The following ABCC1 variants were observed in gnomAD, a reference collection of about 807,000 sequenced individuals.
ABCC1 encodes ATP binding cassette subfamily C member 1 (ABCC1 blood group).
A neutral mutation model predicts 172.9 loss-of-function variants in ABCC1; 83 were observed. The ratio of observed to expected loss-of-function variants is 0.48; its 90% CI spans 0.40 to 0.58. ABCC1 has a LOEUF of 0.58. ABCC1 is among the 20% of genes least tolerant of loss of function. The pLI is 0.00. For missense variants in ABCC1, 1,817 were observed against 2,002.7 expected, an observed-to-expected ratio of 0.91 and a Z score of 1.77; for synonymous variants, 937 against 825.2, an observed-to-expected ratio of 1.14 and a Z score of -2.32.
At chr16:16,122,576 C>G (rs2045215934) in intron 24 of ABCC1, among the ~76,000 whole-genome samples, 1 of 152,022 alleles carries the variant, frequency 6.6e-6, no homozygotes, top group Non-Finnish European at 1.5e-5. Flanking sequence ...CTAAGCTAAA[C>G]CATATGAGAT....
chr16:15,981,790 T>G lies in ABCC1; in HGVS notation c.49-26026T>G, dbSNP rs2046625872. Among the ~76,000 whole-genome samples, 3 of 152,334 alleles carry G rather than the reference T, an allele frequency of 2.0e-5. 1 individual carries two copies. Among genetic ancestry groups the G allele is most frequent in the South Asian group, 4.1e-4 (2 of 4,832 alleles). On this transcript the variant is annotated intron_variant, in intron 1 of 30. Coordinates refer to ENST00000399410, the MANE Select transcript of ABCC1 (RefSeq NM_004996.4). ...AATTTCTGCAGCAGGCTTGAATTTT[T>G]CCCCAGAAAATGGGTTTTTCTTTTC...
intron 1 of ABCC1, among the ~76,000 whole-genome samples, chr16:15,980,204 T>C (rs954749171): frequency 2.0e-5 from 3 of 152,138 alleles, no homozygotes; most frequent in Non-Finnish European, 2.9e-5. Flanking sequence ...GTCTTTCTTA[T>C]AATATGTATT....
rs1207816737 is a variant in ABCC1, at chr16:16,076,367, A to G, written c.1954A>G (p.Thr652Ala). 44 of 1,611,862 alleles carry G rather than the reference A, an allele frequency of 2.7e-5. No individual in the cohort carries two copies. Among genetic ancestry groups the G allele is most frequent in the Non-Finnish European group, 3.7e-5 (44 of 1,179,128 alleles). Residue 652 changes from threonine (T) to alanine (A), a missense_variant, in exon 15 of 31, where the codon ACC becomes GCC. Physicochemically the swap from Thr to Ala is moderately conservative, Grantham distance 58. Around this residue, in one of 3 missense-constraint regions of ABCC1, gnomAD observed 1,412 missense variants for 1,600.3 expected, o/e 0.88. Transcript: ENST00000399410. ...CATCACCGTGAGGAATGCCACATTC[A>G]CCTGGGCCAGGAGCGACCCTCCCAC... The part of the protein sequence containing the change: ...NSITVRNATF[T>A]WARSDPPTLN...
Position 16,009,960 on chromosome 16 carries a change from G to A in ABCC1, c.351+59G>A, listed in dbSNP as rs528095752. 3,075 of 1,219,402 alleles carry A rather than the reference G, an allele frequency of 2.5e-3. 3 individuals carry two copies. Among genetic ancestry groups the A allele is most frequent in the Non-Finnish European group, 3.1e-3 (2,888 of 946,774 alleles). The allele number at this position is 1,219,402 out of a possible 1,614,324, so 75.5% of individuals were successfully genotyped here. A position where few individuals can be genotyped will look rare whatever the true frequency, so the allele number is the denominator to read the frequency against. The stretch of plus-strand genomic sequence containing the variant: ...CTGCTGGGCTCAGTGGAGACCAAAA[G>A]TAATAACTCGTAAGACTAGAATCAT... On this transcript the variant is annotated intron_variant, in intron 3 of 30. Transcript: ENST00000399410.
At chr16:16,016,149 GTTT>G (rs71137903) in intron 4 of ABCC1, among the ~76,000 whole-genome samples, 1 of 84,278 alleles carries the variant, frequency 1.2e-5, no homozygotes, top group African/African-American at 4.9e-5. Context: ...TGTGATCTTG[GTTT>G]TTTTTTTTTT....
At chr16:16,065,524 C>T (rs2151943035) in intron 12 of ABCC1, among the ~76,000 whole-genome samples, 1 of 152,256 alleles carries the variant, frequency 6.6e-6, no homozygotes, top group South Asian at 2.1e-4. Context: ...CCTCCACCTC[C>T]CGGGTTAAAG....
intron 1 of ABCC1, among the ~76,000 whole-genome samples, chr16:15,969,367 C>CT (rs57250944): frequency 0.013 from 1,748 of 131,560 alleles, 21 homozygotes; most frequent in Non-Finnish European, 0.018. Context: ...GCTGGTCAGT[C>CT]TTTTTTTTTT....
At chr16:16,012,367 G>A (rs909821720) in intron 3 of ABCC1, among the ~76,000 whole-genome samples, 4 of 152,140 alleles carry the variant, frequency 2.6e-5, no homozygotes, top group Non-Finnish European at 5.9e-5. Context: ...CTGGCCCTGT[G>A]CCTGGCATGC....
intron 24 of ABCC1, 82 bp downstream of exon 24, chr16:16,122,256 C>G (rs2045202369): frequency 1.3e-6 from 2 of 1,499,734 alleles, no homozygotes; most frequent in African/African-American, 2.8e-5. Flanking sequence ...TTCCTCGCAC[C>G]TTGAGCTGGG....
rs748013452 is a variant in ABCC1, at chr16:16,131,740, A to G, written c.3820-49A>G. On this transcript the variant is annotated intron_variant, in intron 26 of 30. Coordinates refer to ENST00000399410, the MANE Select transcript of ABCC1 (RefSeq NM_004996.4). ...GGGAGGTCAGGGGAGTCACAGCTTT[A>G]CCAGATGGACTGGAAATTCCTTACT... The G allele has an allele frequency of 5.0e-6, 8 of 1,596,836 alleles. No homozygotes were observed. The South Asian group carries it at 5.6e-5, about 11-fold the overall frequency.
chr16:16,119,434 T>C (rs750691061), intron 23 of ABCC1, among the ~76,000 whole-genome samples: 30 of 151,376 alleles, frequency 2.0e-4, no homozygotes, highest in Admixed American at 6.6e-4. Context: ...GGGCGAGTTG[T>C]CTGAAAAAAA....
chr16:16,123,463 C>T (rs1392300394), intron 24 of ABCC1, among the ~76,000 whole-genome samples: 1 of 151,630 alleles, frequency 6.6e-6, no homozygotes, highest in African/African-American at 2.4e-5. Context: ...GGCAAAATCC[C>T]ATCTATATTA....
rs202241593 is a variant in ABCC1 at position 16,120,196 on chromosome 16, C to CAAAGCCACCAGTACAGCCAGG, written c.3391-1779_3391-1778insAAAGCCACCAGTACAGCCAGG. Among the ~76,000 whole-genome samples the CAAAGCCACCAGTACAGCCAGG allele has an allele frequency of 2.0e-3, 304 of 152,274 alleles. 6 individuals are homozygous for CAAAGCCACCAGTACAGCCAGG. In the East Asian group the frequency reaches 0.053, roughly 26 times the overall value. The stretch of plus-strand genomic sequence containing the variant: ...TCTGCCCCAAAGCAGCCCAGTACAC[C>CAAAGCCACCAGTACAGCCAGG]TGGCCCAGGGCAGGATGCAGGGAGG... On this transcript the variant is annotated intron_variant, in intron 23 of 30. Coordinates refer to ENST00000399410, the MANE Select transcript of ABCC1 (RefSeq NM_004996.4).
intron 12 of ABCC1, among the ~76,000 whole-genome samples, chr16:16,056,802 C>T (rs1271773096): frequency 2.7e-5 from 4 of 148,718 alleles, no homozygotes; most frequent in East Asian, 3.9e-4. Context: ...AGGAACCGTT[C>T]GTTATCTATT....
intron 13 of ABCC1, among the ~76,000 whole-genome samples, chr16:16,069,858 T>C (rs2151954317): frequency 6.6e-6 from 1 of 152,246 alleles, no homozygotes; most frequent in South Asian, 2.1e-4. Context: ...ACCTTGTCTC[T>C]ACTAAAAATA....
rs8187845 is a variant in ABCC1, at chr16:16,016,476, C to T, written c.490-20C>T. 3.1e-6 allele frequency: 5 copies of T among 1,613,496 alleles called. No individual in the cohort carries two copies. In the East Asian group the frequency reaches 1.1e-4, roughly 36 times the overall value. ...GCCCCAGAATGTGATCTTTTTCTTC[C>T]TTCCTTCCCCACCATGTAGGATGCC... On this transcript the variant is annotated intron_variant, in intron 4 of 30. Coordinates refer to ENST00000399410, the MANE Select transcript of ABCC1 (RefSeq NM_004996.4).
At chr16:16,059,986 G>A (rs1025337407) in intron 12 of ABCC1, among the ~76,000 whole-genome samples, 6 of 151,996 alleles carry the variant, frequency 3.9e-5, no homozygotes, top group African/African-American at 1.2e-4. Context: ...AACAGAACAA[G>A]ACTCTGTCTC....
intron 10 of ABCC1, among the ~76,000 whole-genome samples, chr16:16,049,748 A>G (rs545729757): frequency 1.4e-4 from 21 of 152,062 alleles, no homozygotes; most frequent in Non-Finnish European, 2.6e-4. Context: ...GTGGTGTGCC[A>G]TCTTGGCTCG....
chr16:16,014,207 A>C (rs2151754046), intron 3 of ABCC1, among the ~76,000 whole-genome samples: 1 of 152,288 alleles, frequency 6.6e-6, no homozygotes, highest in South Asian at 2.1e-4. Context: ...GCACCTTGGG[A>C]GGCCAAGGCA....
Sources: allele counts gnomAD v4.1 joint callset (sites outside exome capture counted in the v4.1 genomes callset), GRCh38; gene constraint gnomAD v4.1.1; regional missense constraint gnomAD v4.1.1; transcripts MANE v1.5; gene names NCBI Gene and HGNC (gene_info 2026-07-23, HGNC 2026-07-21).